PTPRN2: variants seen among roughly 807,000 people sequenced by gnomAD.
The protein encoded by PTPRN2 is protein tyrosine phosphatase receptor type N2.
PTPRN2 carries 74 observed loss-of-function variants against 118.8 expected under a neutral mutation model. The observed-to-expected ratio is 0.62, with a 90% CI of 0.52 to 0.76. PTPRN2 has a LOEUF of 0.76. Among genes scored for constraint, PTPRN2 ranks in the 30% least tolerant of loss-of-function variants. The probability of loss-of-function intolerance (pLI) is 0.00; values close to 1 mark genes in which losing one functional copy is unlikely to be tolerated. For synonymous variants in PTPRN2, 641 were observed against 608.0 expected, an observed-to-expected ratio of 1.05 and a Z score of -0.80; for missense variants, 1,481 against 1,394.4, an observed-to-expected ratio of 1.06 and a Z score of -0.99.
intron 3 of PTPRN2, among the ~76,000 whole-genome samples, chr7:158,269,933 TAGAG>T (rs1164425312): frequency 1.3e-5 from 2 of 148,538 alleles, no homozygotes; most frequent in African/African-American, 5.0e-5. Context: ...GAGACAGAGA[TAGAG>T]AGACACAGGG....
intron 7 of PTPRN2, among the ~76,000 whole-genome samples, chr7:158,136,985 G>A (rs1818882223): frequency 7.6e-6 from 1 of 131,174 alleles, no homozygotes; most frequent in African/African-American, 3.0e-5. Flanking sequence ...TTAACTCACG[G>A]CAAAAAAAAA....
chr7:158,207,124 C>CAA (rs1182241003), intron 3 of PTPRN2, among the ~76,000 whole-genome samples: 2 of 148,308 alleles, frequency 1.3e-5, no homozygotes, highest in African/African-American at 5.1e-5. Flanking sequence ...CATGTCCCTA[C>CAA]AAAGGACATG....
chr7:157,846,976 T>C (rs535736522), intron 12 of PTPRN2, among the ~76,000 whole-genome samples: 30 of 150,448 alleles, frequency 2.0e-4, no homozygotes, highest in Admixed American at 7.3e-4. Context: ...CAGAGCCCTC[T>C]CTCACTCCTT....
At chr7:157,761,712 G>T (rs187234809) in intron 12 of PTPRN2, among the ~76,000 whole-genome samples, 1 of 148,576 alleles carries the variant, frequency 6.7e-6, no homozygotes, top group African/African-American at 2.5e-5. Flanking sequence ...TGTCTAAAAC[G>T]CCAAAAGCAA....
chr7:158,176,144 C>T (rs1824183977), intron 5 of PTPRN2, among the ~76,000 whole-genome samples: 1 of 152,176 alleles, frequency 6.6e-6, no homozygotes, highest in Admixed American at 6.5e-5. Flanking sequence ...AGAAGCTGCA[C>T]CCAAAAGCCT....
chr7:157,553,757 A>G (rs1790443742), intron 21 of PTPRN2, among the ~76,000 whole-genome samples: 1 of 152,252 alleles, frequency 6.6e-6, no homozygotes, highest in Admixed American at 6.5e-5. Flanking sequence ...ATAATGATGT[A>G]GCAGGAAAAT....
At chr7:158,198,392 C>T (rs1213412341) in intron 4 of PTPRN2, among the ~76,000 whole-genome samples, 1 of 152,212 alleles carries the variant, frequency 6.6e-6, no homozygotes, top group Non-Finnish European at 1.5e-5. Context: ...ATGTTTTACA[C>T]TTAGTAGCTA....
intron 6 of PTPRN2, among the ~76,000 whole-genome samples, chr7:158,154,220 C>A (rs934277633): frequency 1.3e-5 from 2 of 152,188 alleles, no homozygotes; most frequent in Admixed American, 1.3e-4. Context: ...TCTCCGGAGT[C>A]AGCCAAACCG....
At position 157,676,923 on chromosome 7, in the gene PTPRN2, G is replaced by A. The variant is rs529194601; in HGVS notation, c.2001+5802C>T. 1.7e-4 allele frequency among the ~76,000 whole-genome samples: 26 copies of A among 152,226 alleles called. No individual in the cohort carries two copies. The highest frequency in any genetic ancestry group is 1.2e-3 in the South Asian group (6 of 4,824). ...GTTCTGGCAGAGAAATGTGTGAGGCGGACTGGTACACAACACAAGCCTAAG... is the reference window on the plus strand; with the variant it reads ...GTTCTGGCAGAGAAATGTGTGAGGCAGACTGGTACACAACACAAGCCTAAG... On this transcript the variant is annotated intron_variant, in intron 13 of 22. Transcript: ENST00000389418. The surrounding 1 kb of genome is among the most constrained non-coding windows in gnomAD (Gnocchi z 5.6).
At chr7:158,138,627 A>G in intron 6 of PTPRN2, 112 bp from the exon 7 acceptor site, 2 of 933,766 alleles carry the variant, frequency 2.1e-6, no homozygotes, top group South Asian at 3.1e-5. Context: ...GGCAGTGGCC[A>G]CCTAGGGCCA....
intron 11 of PTPRN2, among the ~76,000 whole-genome samples, chr7:158,062,696 G>A (rs1250998119): frequency 1.3e-5 from 2 of 152,218 alleles, no homozygotes; most frequent in South Asian, 2.1e-4. Context: ...GCCCCAGGCA[G>A]TGAGGGGCTT....
chr7:158,092,294 G>A (rs1468950292), intron 10 of PTPRN2, among the ~76,000 whole-genome samples: 1 of 143,464 alleles, frequency 7.0e-6, no homozygotes, highest in Non-Finnish European at 1.5e-5. Flanking sequence ...GTATATATAT[G>A]TAGGTGAGTG....
chr7:158,171,314 T>TATATATACATACATAC (rs1823658117), intron 5 of PTPRN2, among the ~76,000 whole-genome samples: 1 of 98,314 alleles, frequency 1.0e-5, no homozygotes, highest in African/African-American at 4.6e-5. Flanking sequence ...CACACATATA[T>TATATATACATACATAC]ATATATATAT....
intron 11 of PTPRN2, among the ~76,000 whole-genome samples, chr7:157,921,824 C>CA (rs1188258705): frequency 1.3e-5 from 2 of 152,166 alleles, no homozygotes; most frequent in African/African-American, 4.8e-5. Context: ...ATTATAGCAA[C>CA]AAAAATCCAC....
intron 6 of PTPRN2, among the ~76,000 whole-genome samples, chr7:158,147,351 G>A (rs1382335972): frequency 6.4e-5 from 4 of 62,080 alleles, no homozygotes; most frequent in Non-Finnish European, 1.1e-4. Context: ...CCCATCTCAC[G>A]CCACGTATCT....
intron 3 of PTPRN2, among the ~76,000 whole-genome samples, chr7:158,294,400 T>C (rs1184791583): frequency 6.6e-6 from 1 of 152,248 alleles, no homozygotes; most frequent in African/African-American, 2.4e-5. Context: ...GTTGTTTTCA[T>C]GTCTGGCTCC....
intron 2 of PTPRN2, among the ~76,000 whole-genome samples, chr7:158,411,151 C>G (rs1351792481): frequency 2.0e-5 from 3 of 152,176 alleles, no homozygotes; most frequent in African/African-American, 4.8e-5. Flanking sequence ...TCATGGGACC[C>G]TTCACAGAGC....
chr7:157,729,039 C>T lies in PTPRN2; in HGVS notation c.1789-46102G>A, dbSNP rs903666879. ...ACACAGAGGTCGGTCGTTGTCTGGA[C>T]ACAGACAATGGGAATCTGGGCTGAT... On this transcript the variant is annotated intron_variant, in intron 12 of 22. Coordinates refer to ENST00000389418, the MANE Select transcript of PTPRN2 (RefSeq NM_002847.5). The surrounding 1 kb of genome is among the most constrained non-coding windows in gnomAD (Gnocchi z 4.3). Among the ~76,000 whole-genome samples, 12 of 152,124 alleles carry T rather than the reference C, an allele frequency of 7.9e-5. No homozygotes were observed. The highest frequency in any genetic ancestry group is 3.9e-4 in the Admixed American group (6 of 15,284).
intron 1 of PTPRN2, among the ~76,000 whole-genome samples, chr7:158,567,581 T>C (rs987116627): frequency 2.0e-5 from 3 of 152,180 alleles, no homozygotes; most frequent in African/African-American, 7.2e-5. Flanking sequence ...AGGTCCCCAA[T>C]TAACAGCCAA....
Sources: gnomAD v4.1 joint callset for allele counts (sites outside exome capture counted in the v4.1 genomes callset) on GRCh38, gnomAD v4.1.1 for gene constraint, Gnocchi (gnomAD v3.1) non-coding constraint, MANE v1.5 for transcripts, NCBI Gene and HGNC (gene_info 2026-07-23, HGNC 2026-07-21) for gene names.